CSNK2A2IP: variants seen among roughly 807,000 people sequenced by gnomAD.
CSNK2A2IP encodes casein kinase 2 subunit alpha' interacting protein, also known as casein kinase II subunit alpha'-interacting protein.
the CSNK2A2IP span, among the ~76,000 whole-genome samples, chr3:88,433,607 A>G: frequency 6.6e-6 from 1 of 152,182 alleles, no homozygotes; most frequent in African/African-American, 2.4e-5. Flanking sequence ...CATTGATTTG[A>G]GCAGGAAATA....
the CSNK2A2IP span, among the ~76,000 whole-genome samples, chr3:88,402,406 G>A: frequency 1.3e-5 from 2 of 152,116 alleles, no homozygotes; most frequent in South Asian, 4.1e-4. Flanking sequence ...GATTCTAAGT[G>A]CTTCAGGATT....
the CSNK2A2IP span, among the ~76,000 whole-genome samples, chr3:88,409,088 T>C: frequency 6.6e-6 from 1 of 152,180 alleles, no homozygotes; most frequent in East Asian, 1.9e-4. Context: ...TAGTGATAAT[T>C]GATCCCCTTC....
At chr3:88,447,311 T>C in the CSNK2A2IP span, among the ~76,000 whole-genome samples, 6 of 152,128 alleles carry the variant, frequency 3.9e-5, no homozygotes, top group Non-Finnish European at 7.4e-5. Flanking sequence ...TTACAAATAT[T>C]CTAGAGCAAG....
At chr3:88,346,079 C>A in the CSNK2A2IP span, among the ~76,000 whole-genome samples, 9 of 152,088 alleles carry the variant, frequency 5.9e-5, no homozygotes, top group Admixed American at 5.3e-4. Context: ...ACTATCAAAC[C>A]AGTCACAACA....
At chr3:88,428,643 G>C in the CSNK2A2IP span, among the ~76,000 whole-genome samples, 1 of 152,080 alleles carries the variant, frequency 6.6e-6, no homozygotes, top group Non-Finnish European at 1.5e-5. Context: ...GGTAATAAGA[G>C]GATAAATTAT....
chr3:88,461,888 G>T, the CSNK2A2IP span, among the ~76,000 whole-genome samples: 1 of 151,934 alleles, frequency 6.6e-6, no homozygotes, highest in South Asian at 2.1e-4. Context: ...CTACAGGTGC[G>T]AATCAATACG....
At chr3:88,428,265 T>C in the CSNK2A2IP span, among the ~76,000 whole-genome samples, 9 of 152,170 alleles carry the variant, frequency 5.9e-5, no homozygotes, top group Non-Finnish European at 1.3e-4. Flanking sequence ...CTCCAATGTA[T>C]CTAGGAAGCA....
chr3:88,416,678 T>G, the CSNK2A2IP span, among the ~76,000 whole-genome samples: 1 of 152,306 alleles, frequency 6.6e-6, no homozygotes, highest in Non-Finnish European at 1.5e-5. Flanking sequence ...CAGAAGCTTC[T>G]GAGCATAGAT....
chr3:88,464,477 G>GA, the CSNK2A2IP span, among the ~76,000 whole-genome samples: 326 of 151,438 alleles, frequency 2.2e-3, 2 homozygotes, highest in African/African-American at 7.5e-3. Flanking sequence ...TGAAGACTTG[G>GA]AAAAAAAATA....
At chr3:88,447,373 G>T in the CSNK2A2IP span, among the ~76,000 whole-genome samples, 1 of 152,002 alleles carries the variant, frequency 6.6e-6, no homozygotes, top group South Asian at 2.1e-4. Flanking sequence ...GGAATATTTG[G>T]TTGTTTTAAT....
At chr3:88,396,239 G>A in the CSNK2A2IP span, among the ~76,000 whole-genome samples, 1 of 151,382 alleles carries the variant, frequency 6.6e-6, no homozygotes. Flanking sequence ...CCGAGTAGCT[G>A]GGACTACAGG....
At chr3:88,422,315 G>A in the CSNK2A2IP span, among the ~76,000 whole-genome samples, 1 of 152,204 alleles carries the variant, frequency 6.6e-6, no homozygotes, top group Non-Finnish European at 1.5e-5. Flanking sequence ...CAAACTTCAT[G>A]AGGATAGAGG....
chr3:88,360,323 C>A, the CSNK2A2IP span, among the ~76,000 whole-genome samples: 1 of 151,754 alleles, frequency 6.6e-6, no homozygotes, highest in Non-Finnish European at 1.5e-5. Context: ...TTAGTAGAGA[C>A]GGGGTTTCAC....
At chr3:88,464,769 A>C in the CSNK2A2IP span, among the ~76,000 whole-genome samples, 1 of 152,188 alleles carries the variant, frequency 6.6e-6, no homozygotes, top group African/African-American at 2.4e-5. Context: ...AAATGCAATA[A>C]TTAAAAGAGC....
the CSNK2A2IP span, among the ~76,000 whole-genome samples, chr3:88,340,499 G>A: frequency 4.0e-5 from 6 of 151,880 alleles, no homozygotes; most frequent in Admixed American, 6.6e-5. Flanking sequence ...CAGAAACTGC[G>A]TATTCTTTAG....
At chr3:88,424,977 T>C in the CSNK2A2IP span, among the ~76,000 whole-genome samples, 47 of 152,100 alleles carry the variant, frequency 3.1e-4, no homozygotes, top group African/African-American at 1.1e-3. Flanking sequence ...CTCATGTTTG[T>C]TTAATTTCTT....
At chr3:88,358,854 T>A in the CSNK2A2IP span, among the ~76,000 whole-genome samples, 2 of 152,056 alleles carry the variant, frequency 1.3e-5, no homozygotes, top group African/African-American at 2.4e-5. Context: ...GTAGAATGAG[T>A]TTGAAAGTAT....
chr3:88,446,086 CTTTCT>C, the CSNK2A2IP span, among the ~76,000 whole-genome samples: 1 of 83,770 alleles, frequency 1.2e-5, no homozygotes, highest in Non-Finnish European at 2.5e-5. Context: ...TTCTTTCTTT[CTTTCT>C]TTCTTTCTTT....
chr3:88,434,604 C>CCAAAA, the CSNK2A2IP span, among the ~76,000 whole-genome samples: 3 of 152,104 alleles, frequency 2.0e-5, no homozygotes, highest in Non-Finnish European at 4.4e-5. Flanking sequence ...CAGAAAAAAT[C>CCAAAA]CAAACCAAAC....
Sources: gnomAD v4.1 joint callset for allele counts (sites outside exome capture counted in the v4.1 genomes callset) on GRCh38, gnomAD v4.1.1 for gene constraint, MANE v1.5 for transcripts, NCBI Gene and HGNC (gene_info 2026-07-23, HGNC 2026-07-21) for gene names.